The following ADGRL2 variants were observed in gnomAD, a reference collection of about 807,000 sequenced individuals.
ADGRL2 encodes calcium-independent alpha-latrotoxin receptor 2.
Under a neutral mutation model 157.4 loss-of-function variants are expected in ADGRL2, and 44 were observed. The observed-to-expected ratio is 0.28, with a 90% CI of 0.22 to 0.36. The LOEUF is 0.36. Ranked by LOEUF, ADGRL2 falls within the 10% of genes least tolerant of loss-of-function variation. The pLI is 1.00. For synonymous variants in ADGRL2, 585 were observed against 624.7 expected, an observed-to-expected ratio of 0.94 and a Z score of 0.95; for missense variants, 1,510 against 1,768.9, an observed-to-expected ratio of 0.85 and a Z score of 2.63.
intron 2 of ADGRL2, among the ~76,000 whole-genome samples, chr1:81,891,910 T>C (rs982679852): frequency 2.0e-5 from 3 of 152,014 alleles, no homozygotes; most frequent in South Asian, 2.1e-4. Context: ...TGGAGGTCTT[T>C]TGTAACTAGA....
chr1:81,435,627 G>C (rs564921130), intron 1 of ADGRL2, among the ~76,000 whole-genome samples: 5 of 152,200 alleles, frequency 3.3e-5, no homozygotes, highest in African/African-American at 1.2e-4. Context: ...AATTCAAGAT[G>C]GTTAATTTGT....
intron 1 of ADGRL2, among the ~76,000 whole-genome samples, chr1:81,834,106 T>C (rs965884623): frequency 6.6e-6 from 1 of 152,138 alleles, no homozygotes; most frequent in Non-Finnish European, 1.5e-5. Flanking sequence ...TATCTTGTTT[T>C]ACTAAGAAAT....
In ADGRL2 at chr1:81,385,597, C is replaced by CA. The variant is rs35419524; in HGVS notation, c.-301-59427dup. 5.3e-3 allele frequency among the ~76,000 whole-genome samples: 755 copies of CA among 142,756 alleles called. 1 individual carries two copies. The highest frequency in any genetic ancestry group is 8.5e-3 in the South Asian group (38 of 4,478). The allele number at this position is 142,756 out of a possible 152,430, so 93.7% of individuals were successfully genotyped here. A position where few individuals can be genotyped will look rare whatever the true frequency, so the allele number is the denominator to read the frequency against. On this transcript the variant is annotated intron_variant, in intron 1 of 24. Transcript: ENST00000370721. The stretch of plus-strand genomic sequence containing the variant: ...GTAAACATTGTTTTGGGGAGAGTGG[C>CA]AAAAAAAAAAAATCCTAGATAATAT...
intron 2 of ADGRL2, among the ~76,000 whole-genome samples, chr1:81,855,349 G>T (rs188491093): frequency 1.5e-3 from 232 of 152,198 alleles, no homozygotes; most frequent in African/African-American, 5.5e-3. Context: ...GCTAAGGTGG[G>T]AGGATCACTT....
intron 3 of ADGRL2, among the ~76,000 whole-genome samples, chr1:81,691,953 C>T (rs1329059489): frequency 7.0e-6 from 1 of 142,170 alleles, no homozygotes; most frequent in African/African-American, 2.5e-5. Flanking sequence ...TATCTATATA[C>T]ACACACACAA....
intron 2 of ADGRL2, among the ~76,000 whole-genome samples, chr1:81,538,821 A>G (rs2079809408): frequency 6.6e-6 from 1 of 152,128 alleles, no homozygotes; most frequent in Non-Finnish European, 1.5e-5. Flanking sequence ...CCTTGGCAAC[A>G]TGACAAAAAC....
chr1:81,576,796 A>T (rs766918502), intron 2 of ADGRL2, among the ~76,000 whole-genome samples: 1 of 152,188 alleles, frequency 6.6e-6, no homozygotes, highest in Non-Finnish European at 1.5e-5. Flanking sequence ...GTATATGTGT[A>T]TGAATTATCA....
intron 2 of ADGRL2, among the ~76,000 whole-genome samples, chr1:81,881,595 CTCTGTTCTG>C (rs2093989681): frequency 1.3e-5 from 2 of 152,234 alleles, no homozygotes; most frequent in Non-Finnish European, 2.9e-5. Flanking sequence ...TGGTTATCCT[CTCTGTTCTG>C]TCTGTTCATC....
chr1:81,337,825 C>A, intron 1 of ADGRL2, among the ~76,000 whole-genome samples: 1 of 152,208 alleles, frequency 6.6e-6, no homozygotes, highest in East Asian at 1.9e-4. Flanking sequence ...CCAGTTCCAG[C>A]CCTTTGAGGT....
At chr1:81,844,725 A>C (rs1036648258) in intron 2 of ADGRL2, among the ~76,000 whole-genome samples, 2 of 152,170 alleles carry the variant, frequency 1.3e-5, no homozygotes, top group African/African-American at 4.8e-5. Context: ...TTCCAGGAGA[A>C]TACCTAGTCC....
At chr1:81,349,061 A>G (rs1292403554) in intron 1 of ADGRL2, among the ~76,000 whole-genome samples, 1 of 152,182 alleles carries the variant, frequency 6.6e-6, no homozygotes, top group Non-Finnish European at 1.5e-5. Flanking sequence ...TATTTCCTTC[A>G]TTGAAAAAGT....
chr1:81,577,393 A>G (rs2080819141), intron 2 of ADGRL2, among the ~76,000 whole-genome samples: 1 of 152,132 alleles, frequency 6.6e-6, no homozygotes, highest in Non-Finnish European at 1.5e-5. Context: ...TTTTCCCACA[A>G]AGGTCTTCTC....
intron 2 of ADGRL2, among the ~76,000 whole-genome samples, chr1:81,864,796 T>G (rs183148792): frequency 6.6e-6 from 1 of 152,268 alleles, no homozygotes; most frequent in Admixed American, 6.5e-5. Context: ...ACCCCATTTC[T>G]ACTAAAAAAC....
chr1:81,362,064 A>G (rs916140899), intron 1 of ADGRL2, among the ~76,000 whole-genome samples: 5 of 151,886 alleles, frequency 3.3e-5, no homozygotes, highest in African/African-American at 1.2e-4. Flanking sequence ...CTATTCCTAT[A>G]TTAAGGCATC....
chr1:81,624,800 C>G (rs905926301), intron 3 of ADGRL2, among the ~76,000 whole-genome samples: 1 of 152,126 alleles, frequency 6.6e-6, no homozygotes, highest in Non-Finnish European at 1.5e-5. Flanking sequence ...AGTATGGCAA[C>G]CCCCCAAACT....
intron 1 of ADGRL2, among the ~76,000 whole-genome samples, chr1:81,380,644 C>CT (rs2076328475): frequency 6.6e-6 from 1 of 152,168 alleles, no homozygotes; most frequent in African/African-American, 2.4e-5. Flanking sequence ...ATTTTCCTGA[C>CT]TTACAATGAC....
At chr1:81,778,642 C>A (rs1192499821) in intron 2 of ADGRL2, among the ~76,000 whole-genome samples, 1 of 152,150 alleles carries the variant, frequency 6.6e-6, no homozygotes. Context: ...CGAAAGTTTG[C>A]AGACTGACAT....
At position 81,883,382 on chromosome 1, in the gene ADGRL2, A is replaced by G. The variant is rs1169295174; in HGVS notation, c.74-23635A>G. 2.0e-5 allele frequency among the ~76,000 whole-genome samples: 3 copies of G among 152,294 alleles called. No homozygotes were observed. In the East Asian group the frequency reaches 5.8e-4, roughly 29 times the overall value. ...CAGGCCAGTAGGAACATTTGTGATC[A>G]TGTTCTTCTCACATCTACTTGCATG... On this transcript the variant is annotated intron_variant, in intron 2 of 23. Coordinates refer to ENST00000686636, the MANE Select transcript of ADGRL2 (RefSeq NM_001366006.2).
At chr1:81,500,310 A>G (rs2078819312) in intron 2 of ADGRL2, among the ~76,000 whole-genome samples, 1 of 152,246 alleles carries the variant, frequency 6.6e-6, no homozygotes, top group Admixed American at 6.5e-5. Context: ...GCATATACCC[A>G]GAAACATGGA....
Sources: gnomAD v4.1 joint callset for allele counts (sites outside exome capture counted in the v4.1 genomes callset) on GRCh38, gnomAD v4.1.1 for gene constraint, MANE v1.5 for transcripts, NCBI Gene and HGNC (gene_info 2026-07-23, HGNC 2026-07-21) for gene names.